Variants in C8orf76 observed in about 807,000 individuals in gnomAD.
C8orf76 encodes chromosome 8 open reading frame 76, also known as uncharacterized protein C8orf76.
A neutral mutation model predicts 38.1 loss-of-function variants in C8orf76; 46 were observed. The ratio of observed to expected loss-of-function variants is 1.21; its 90% CI spans 0.95 to 1.54. The LOEUF is 1.54. Ranked by LOEUF, C8orf76 falls within the 40% of genes most tolerant of loss-of-function variation. The pLI, the probability that C8orf76 is intolerant of heterozygous loss-of-function variation, is 0.00. For synonymous variants in C8orf76, 166 were observed against 167.5 expected, an observed-to-expected ratio of 0.99 and a Z score of 0.07; for missense variants, 461 against 441.6, an observed-to-expected ratio of 1.04 and a Z score of -0.39.
intron 4 of C8orf76, 38 bp downstream of exon 4, chr8:123,231,262 C>G (rs750815754): frequency 6.4e-7 from 1 of 1,563,880 alleles, no homozygotes; most frequent in East Asian, 2.3e-5. Context: ...TTACTCTGAG[C>G]TGATTACCAA....
At chr8:123,228,837 C>G (rs1825137570) in intron 4 of C8orf76, among the ~76,000 whole-genome samples, 1 of 152,212 alleles carries the variant, frequency 6.6e-6, no homozygotes, top group Non-Finnish European at 1.5e-5. Context: ...ACAATAAGTA[C>G]TTTAAATACT....
Position 123,231,378 on chromosome 8 carries a change from T to C in C8orf76, c.737A>G (p.Gln246Arg), listed in dbSNP as rs756463901. 6.2e-7 allele frequency: 1 copy of C among 1,614,246 alleles called. No individual in the cohort carries two copies. The highest frequency in any genetic ancestry group is 8.5e-7 in the Non-Finnish European group (1 of 1,180,044). ...TTCTCTCTTTTCTGCCATACAGTTTTGGATATTTGTCAGAGCTTTCTCATT... is the reference window on the plus strand; with the variant it reads ...TTCTCTCTTTTCTGCCATACAGTTTCGGATATTTGTCAGAGCTTTCTCATT... ...QKNEKALTNI[Q>R]NCMAEKRETV... The change falls in exon 4 of 6, where the codon CAA becomes CGA. Residue 246 changes from glutamine (Q) to arginine (R), a missense_variant. Gln to Arg is a conservative substitution (Grantham distance 43). Coordinates refer to ENST00000276704, the MANE Select transcript of C8orf76 (RefSeq NM_032847.3).
chr8:123,234,724 G>A (rs57947342), intron 3 of C8orf76, among the ~76,000 whole-genome samples: 4 of 151,878 alleles, frequency 2.6e-5, no homozygotes, highest in South Asian at 2.1e-4. Flanking sequence ...AGCCAAGATC[G>A]CGCCACTGCA....
Position 123,241,322 on chromosome 8 carries a change from C to G in C8orf76, c.25G>C (p.Gly9Arg), listed in dbSNP as rs1053106977. Residue 9 changes from glycine (G) to arginine (R), a missense_variant, in exon 1 of 6, where the codon GGC (glycine) becomes CGC (arginine). By Grantham distance (125) the Gly-to-Arg change is moderately radical. Coordinates refer to ENST00000276704, the MANE Select transcript of C8orf76 (RefSeq NM_032847.3). The part of the protein sequence containing the change: MDSGCWLF[G>R]GEFEDSVFEE... ...AACACCGAGTCCTCGAACTCGCCGCCGAACAACCAGCACCCGGAATCCATC... is the reference window on the plus strand; with the variant it reads ...AACACCGAGTCCTCGAACTCGCCGCGGAACAACCAGCACCCGGAATCCATC... 3 of 1,571,516 alleles carry G rather than the reference C, an allele frequency of 1.9e-6. No homozygotes were observed. Among genetic ancestry groups the G allele is most frequent in the Non-Finnish European group, 2.6e-6 (3 of 1,164,326 alleles).
chr8:123,236,626 A>C (rs989041088), intron 3 of C8orf76, among the ~76,000 whole-genome samples: 2 of 152,058 alleles, frequency 1.3e-5, no homozygotes. Context: ...TCTACTAAAA[A>C]TACAAAAATT....
chr8:123,226,314 C>T, intron 5 of C8orf76, 186 bp downstream of exon 5: 1 of 1,435,286 alleles, frequency 7.0e-7, no homozygotes, highest in Non-Finnish European at 9.0e-7. Flanking sequence ...TGCGGTCCCG[C>T]ACGCTGCAGG....
At chr8:123,223,813 A>T (rs938754519) in intron 5 of C8orf76, among the ~76,000 whole-genome samples, 1 of 152,230 alleles carries the variant, frequency 6.6e-6, no homozygotes, top group East Asian at 1.9e-4. Context: ...AAATATGGAT[A>T]AACCTTGAAA....
chr8:123,231,272 A>G, intron 4 of C8orf76, 28 bp downstream of exon 4: 1 of 1,575,816 alleles, frequency 6.3e-7, no homozygotes, highest in Non-Finnish European at 8.6e-7. Context: ...CTGATTACCA[A>G]GCGTTGCTTA....
chr8:123,226,422 C>G (rs1292464386), intron 5 of C8orf76, 78 bp downstream of exon 5: 1 of 1,574,964 alleles, frequency 6.3e-7, no homozygotes, highest in African/African-American at 1.4e-5. Flanking sequence ...TTTGGCCCTG[C>G]TTTATAAAAA....
chr8:123,227,993 G>A lies in C8orf76; in HGVS notation c.816-1361C>T, dbSNP rs544413174. On this transcript the variant is annotated intron_variant, in intron 4 of 5. Coordinates refer to ENST00000276704, the MANE Select transcript of C8orf76 (RefSeq NM_032847.3). ...GATATACTCCAGGCACCCGCGACTC[G>A]GTACTTCAAGCCTAAAATCATTGCC... is the stretch of plus-strand genomic sequence containing the variant. Among the ~76,000 whole-genome samples the A allele has an allele frequency of 2.6e-5, 4 of 152,080 alleles. No homozygotes were observed. The South Asian group carries it at 6.2e-4, about 24-fold the overall frequency.
Position 123,221,683 on chromosome 8 carries a change from G to A in C8orf76, c.949-1386C>T, listed in dbSNP as rs187576471. 1.9e-3 allele frequency among the ~76,000 whole-genome samples: 289 copies of A among 152,250 alleles called. 1 individual carries two copies. The highest frequency in any genetic ancestry group is 1.6e-3 in the Non-Finnish European group (109 of 68,022). ...GTTCCTGACCTCAACTGATCCACCC[G>A]CCTTTGCCTCCCAAAGTGCTGGGAT... On this transcript the variant is annotated intron_variant, in intron 5 of 5. Coordinates refer to ENST00000276704, the MANE Select transcript of C8orf76 (RefSeq NM_032847.3).
Position 123,241,328 on chromosome 8 carries a change from A to C in C8orf76, c.19T>G (p.Leu7Val), listed in dbSNP as rs776738933. MDSGCW[L>V]FGGEFEDSVF... The stretch of plus-strand genomic sequence containing the variant: ...GAGTCCTCGAACTCGCCGCCGAACA[A>C]CCAGCACCCGGAATCCATCTCGCGC... Residue 7 changes from leucine (L) to valine (V), a missense_variant, in exon 1 of 6, where the codon TTG (leucine) becomes GTG (valine). Leu to Val is a conservative substitution (Grantham distance 32). Transcript: ENST00000276704. The C allele has an allele frequency of 6.4e-7, 1 of 1,569,660 alleles. No homozygotes were observed. The highest frequency in any genetic ancestry group is 1.1e-5 in the South Asian group (1 of 86,998).
At chr8:123,222,202 T>A (rs1013829393) in intron 5 of C8orf76, among the ~76,000 whole-genome samples, 2 of 152,296 alleles carry the variant, frequency 1.3e-5, no homozygotes, top group East Asian at 1.9e-4. Context: ...TTACCCAGGA[T>A]GGTCTTGATC....
In C8orf76 at chr8:123,231,622, A is replaced by C. The variant is rs1400583206; in HGVS notation, c.493T>G (p.Trp165Gly). The change falls in exon 4 of 6, where the codon TGG becomes GGG. Residue 165 changes from tryptophan (W) to glycine (G), a missense_variant. By Grantham distance (184) the Trp-to-Gly change is radical. Transcript: ENST00000276704. ...KLISLHPFNPWNWGKLAEAYL... is the reference protein window; with the variant it reads ...KLISLHPFNPGNWGKLAEAYL... ...GCCTCTGCCAATTTGCCCCAGTTCC[A>C]AGGATTAAAAGGATGCAAAGAAATC... 1 of 1,614,228 alleles carries C rather than the reference A, an allele frequency of 6.2e-7. No homozygotes were observed. The highest frequency in any genetic ancestry group is 2.2e-5 in the East Asian group (1 of 44,886).
chr8:123,226,887 T>G (rs564033519), intron 4 of C8orf76, among the ~76,000 whole-genome samples: 5 of 152,202 alleles, frequency 3.3e-5, no homozygotes, highest in Non-Finnish European at 7.3e-5. Context: ...CAAAGAAATC[T>G]TCAGAGAGCA....
intron 4 of C8orf76, among the ~76,000 whole-genome samples, chr8:123,226,949 G>A (rs1825065089): frequency 6.6e-6 from 1 of 152,176 alleles, no homozygotes; most frequent in African/African-American, 2.4e-5. Flanking sequence ...GAAGTCAAGG[G>A]ATTGAAAGGA....
intron 3 of C8orf76, among the ~76,000 whole-genome samples, chr8:123,232,148 T>C (rs754006886): frequency 1.3e-5 from 2 of 152,242 alleles, no homozygotes; most frequent in Non-Finnish European, 2.9e-5. Context: ...AATGATTCCA[T>C]TGTAATATTC....
intron 5 of C8orf76, among the ~76,000 whole-genome samples, chr8:123,225,118 G>A (rs372843563): frequency 2.6e-5 from 4 of 152,064 alleles, no homozygotes; most frequent in East Asian, 1.9e-4. Flanking sequence ...CAATTCTCCC[G>A]CCTTAGCCTC....
chr8:123,234,488 G>A (rs773024098), intron 3 of C8orf76, among the ~76,000 whole-genome samples: 3 of 152,086 alleles, frequency 2.0e-5, no homozygotes, highest in Non-Finnish European at 4.4e-5. Flanking sequence ...TACAAAAAAG[G>A]CTGGGCGCAT....
Sources: allele counts gnomAD v4.1 joint callset (sites outside exome capture counted in the v4.1 genomes callset), GRCh38; gene constraint gnomAD v4.1.1; transcripts MANE v1.5; gene names NCBI Gene and HGNC (gene_info 2026-07-23, HGNC 2026-07-21).